MARK2: variants seen among roughly 807,000 people sequenced by gnomAD.
The protein encoded by MARK2 is microtubule affinity regulating kinase 2, also known as serine/threonine-protein kinase MARK2.
MARK2 carries 16 observed loss-of-function variants against 89.8 expected under a neutral mutation model. That is an observed-to-expected ratio of 0.18 (90% CI 0.12 to 0.27). MARK2 has a LOEUF of 0.27. MARK2 is among the 10% of genes least tolerant of loss of function. The pLI, the probability that MARK2 is intolerant of heterozygous loss-of-function variation, is 1.00. For synonymous variants in MARK2, 382 were observed against 399.5 expected (o/e 0.96, Z 0.52); for missense variants, 621 against 1,049.9 (o/e 0.59, Z 5.65).
At chr11:63,865,958 G>T (rs1227844215) in intron 1 of MARK2, among the ~76,000 whole-genome samples, 2 of 152,140 alleles carry the variant, frequency 1.3e-5, no homozygotes, top group Non-Finnish European at 2.9e-5. Flanking sequence ...TGTGGGTGGT[G>T]AATAATGTCT....
intron 4 of MARK2, 50 bp downstream of exon 4, chr11:63,898,330 C>CT: frequency 6.5e-7 from 1 of 1,542,736 alleles, no homozygotes. Flanking sequence ...CAAGGCACTG[C>CT]TTTCCAGCAT....
intron 18 of MARK2, 72 bp from the exon 19 acceptor site, chr11:63,908,805 T>G: frequency 2.9e-6 from 4 of 1,397,204 alleles, no homozygotes; most frequent in Non-Finnish European, 3.7e-6. Context: ...TCAGGGGCTG[T>G]CTGCCAGGGT....
Position 63,903,169 on chromosome 11 carries a change from C to G in MARK2, c.1514+11C>G. The stretch of plus-strand genomic sequence containing the variant: ...GAATGGCAAAGACAGGTGAGAGACC[C>G]GGGCCCTGCCTGCCTCACTCCCTAG... On this transcript the variant is annotated intron_variant, in intron 14 of 18. Coordinates refer to ENST00000402010, the MANE Select transcript of MARK2 (RefSeq NM_001039469.3). The surrounding 1 kb of genome is among the most constrained non-coding windows in gnomAD (Gnocchi z 5.1). 1 of 1,601,702 alleles carries G rather than the reference C, an allele frequency of 6.2e-7. No individual in the cohort carries two copies.
At chr11:63,844,441 G>C (rs2016177854) in intron 1 of MARK2, among the ~76,000 whole-genome samples, 2 of 152,262 alleles carry the variant, frequency 1.3e-5, no homozygotes, top group African/African-American at 4.8e-5. Flanking sequence ...CTGTGTTTGT[G>C]CCACTGCACT....
At position 63,902,749 on chromosome 11, in the gene MARK2, G is replaced by A; in HGVS notation, c.1383G>A (p.Leu461=). The A allele has an allele frequency of 6.2e-7, 1 of 1,613,556 alleles. No homozygotes were observed. The highest frequency in any genetic ancestry group is 1.3e-5 in the African/African-American group (1 of 75,008). ...TGCCTGCCAGCCCCCTGCCCGGTCT[G>A]GAGAGGAAGAAGACCACCCCAACCC... is the stretch of plus-strand genomic sequence containing the variant. The part of the protein sequence containing the change: ...AKVPASPLPG[L]ERKKTTPTPS... The change falls in exon 13 of 19, where the codon CTG becomes CTA. Residue 461 remains leucine, a synonymous_variant. Transcript: ENST00000402010. The surrounding 1 kb of genome is among the most constrained non-coding windows in gnomAD (Gnocchi z 4.2).
chr11:63,859,977 T>C (rs1335283198), intron 1 of MARK2, among the ~76,000 whole-genome samples: 1 of 152,230 alleles, frequency 6.6e-6, no homozygotes, highest in Non-Finnish European at 1.5e-5. Flanking sequence ...CCCACTGTTA[T>C]GTAGGTATAC....
chr11:63,839,701 G>A, intron 1 of MARK2, 141 bp downstream of exon 1: 2 of 639,792 alleles, frequency 3.1e-6, no homozygotes, highest in South Asian at 3.4e-5. Flanking sequence ...CCTGGCTCCG[G>A]CTCCGCACAT....
At position 63,902,769 on chromosome 11, in the gene MARK2, C is replaced by G. The variant is rs1280887280; in HGVS notation, c.1403C>G (p.Pro468Arg). Reference protein sequence around the residue: ...LPGLERKKTTPTPSTNSVLST... With the variant: ...LPGLERKKTTRTPSTNSVLST... ...GGTCTGGAGAGGAAGAAGACCACCC[C>G]AACCCCCTCCACGGTGAGCCGCACC... Residue 468 changes from proline (P) to arginine (R), a missense_variant, in exon 13 of 19, where the codon CCA becomes CGA. Physicochemically the swap from Pro to Arg is moderately radical, Grantham distance 103. Around this residue, in one of 5 missense-constraint regions of MARK2, gnomAD observed 397 missense variants for 567.8 expected, o/e 0.70. Coordinates refer to ENST00000402010, the MANE Select transcript of MARK2 (RefSeq NM_001039469.3). The surrounding 1 kb of genome is among the most constrained non-coding windows in gnomAD (Gnocchi z 4.2). The G allele has an allele frequency of 3.1e-6, 5 of 1,611,882 alleles. No individual in the cohort carries two copies. The highest frequency in any genetic ancestry group is 2.7e-5 in the African/African-American group (2 of 74,874).
At chr11:63,908,369 C>A in intron 18 of MARK2, 65 bp downstream of exon 18, 1 of 1,354,394 alleles carries the variant, frequency 7.4e-7, no homozygotes, top group South Asian at 1.2e-5. Context: ...CCTCCTGCTC[C>A]TCTCTTCCTT....
intron 16 of MARK2, 42 bp from the exon 17 acceptor site, chr11:63,906,046 A>C: frequency 1.5e-6 from 2 of 1,319,250 alleles, no homozygotes; most frequent in Non-Finnish European, 1.9e-6. Context: ...TTTTTTTTTT[A>C]TTTCTTTTTT....
chr11:63,879,302 G>A (rs1243868930), intron 1 of MARK2, among the ~76,000 whole-genome samples: 1 of 151,654 alleles, frequency 6.6e-6, no homozygotes, highest in East Asian at 1.9e-4. Context: ...GTGAGACTCT[G>A]TCTCAAAAAA....
In MARK2 at chr11:63,895,570, T is replaced by C. The variant is rs998711424; in HGVS notation, c.235-10T>C. On this transcript the variant is annotated splice_polypyrimidine_tract_variant and intron_variant, in intron 2 of 18. Coordinates refer to ENST00000402010, the MANE Select transcript of MARK2 (RefSeq NM_001039469.3). ...AGAAGTGATTTGGGGCCTTTTTGTC[T>C]CATCCTCAGGTAGCTGTGAAGATCA... The C allele has an allele frequency of 3.1e-6, 5 of 1,612,902 alleles. No individual in the cohort carries two copies. In the African/African-American group the frequency reaches 6.7e-5, roughly 22 times the overall value.
At chr11:63,899,344 G>A (rs540181847) in intron 7 of MARK2, among the ~76,000 whole-genome samples, 1 of 152,022 alleles carries the variant, frequency 6.6e-6, no homozygotes, top group African/African-American at 2.4e-5. Context: ...CCCTTGAGCA[G>A]GGGCCCTCTG....
chr11:63,890,025 C>T (rs576410256), intron 1 of MARK2, among the ~76,000 whole-genome samples: 49 of 152,314 alleles, frequency 3.2e-4, no homozygotes, highest in African/African-American at 1.2e-3. Context: ...GACCCAGGGC[C>T]AAGCTGAATG....
chr11:63,854,812 C>CAAA (rs56392948), intron 1 of MARK2, among the ~76,000 whole-genome samples: 14 of 117,196 alleles, frequency 1.2e-4, no homozygotes, highest in African/African-American at 4.8e-4. Flanking sequence ...GACACCATCC[C>CAAA]AAAAAAAAAA....
intron 3 of MARK2, 24 bp downstream of exon 3, chr11:63,895,657 CCT>C: frequency 1.4e-6 from 2 of 1,420,772 alleles, no homozygotes; most frequent in Non-Finnish European, 9.6e-7. Flanking sequence ...ACCTCCTGTC[CCT>C]TTTTTTTTTT....
At chr11:63,892,601 C>T (rs1323188032) in intron 1 of MARK2, among the ~76,000 whole-genome samples, 1 of 152,044 alleles carries the variant, frequency 6.6e-6, no homozygotes, top group East Asian at 1.9e-4. Flanking sequence ...CAAGGCAGCT[C>T]TGGATGGTTC....
chr11:63,908,204 C>A, intron 17 of MARK2, 56 bp from the exon 18 acceptor site: 2 of 1,483,120 alleles, frequency 1.3e-6, no homozygotes, highest in Non-Finnish European at 9.2e-7. Flanking sequence ...GGGTCTGTGG[C>A]GGCGGAAGGA....
At chr11:63,887,609 A>G (rs538475964) in intron 1 of MARK2, among the ~76,000 whole-genome samples, 1 of 152,344 alleles carries the variant, frequency 6.6e-6, no homozygotes, top group Non-Finnish European at 1.5e-5. Flanking sequence ...CAACGTGAGA[A>G]GGTCACGGAG....
Sources: allele counts gnomAD v4.1 joint callset (sites outside exome capture counted in the v4.1 genomes callset), GRCh38; gene constraint gnomAD v4.1.1; regional missense constraint gnomAD v4.1.1; non-coding constraint Gnocchi (gnomAD v3.1); transcripts MANE v1.5; gene names NCBI Gene and HGNC (gene_info 2026-07-23, HGNC 2026-07-21).